NAALADL2: variants seen among roughly 807,000 people sequenced by gnomAD.
NAALADL2 encodes inactive N-acetylated-alpha-linked acidic dipeptidase-like protein 2.
In NAALADL2, 76 loss-of-function variants were observed where a neutral mutation model predicts 87.2. That is an observed-to-expected ratio of 0.87 (90% CI 0.72 to 1.05). NAALADL2 has a LOEUF of 1.05. Ranked by LOEUF, NAALADL2 falls within the 50% of genes least tolerant of loss-of-function variation. The pLI is 0.00. For missense variants in NAALADL2, 1,089 were observed against 945.8 expected, an observed-to-expected ratio of 1.15 and a Z score of -1.99; for synonymous variants, 354 against 331.0, an observed-to-expected ratio of 1.07 and a Z score of -0.75.
chr3:175,446,488 C>T (rs113298963), intron 5 of NAALADL2, among the ~76,000 whole-genome samples: 2,332 of 152,214 alleles, frequency 0.015, 65 homozygotes, highest in African/African-American at 0.052. Flanking sequence ...GTGATCCTCC[C>T]GCCTTGGCCT....
chr3:175,319,929 G>A (rs1759632196), intron 4 of NAALADL2, among the ~76,000 whole-genome samples: 1 of 152,206 alleles, frequency 6.6e-6, no homozygotes, highest in African/African-American at 2.4e-5. Flanking sequence ...TACAATGATA[G>A]AGAAGGTAAG....
chr3:175,772,447 C>T (rs1439861755), intron 13 of NAALADL2, among the ~76,000 whole-genome samples: 2 of 152,070 alleles, frequency 1.3e-5, no homozygotes, highest in Non-Finnish European at 2.9e-5. Context: ...ACAATTTGTT[C>T]CTGTTTTTGC....
chr3:174,704,772 T>G (rs1252794969), intron 2 of NAALADL2, among the ~76,000 whole-genome samples: 1 of 152,160 alleles, frequency 6.6e-6, no homozygotes, highest in Non-Finnish European at 1.5e-5. Context: ...TCAGACCAAT[T>G]CATATCATAG....
intron 1 of NAALADL2, among the ~76,000 whole-genome samples, chr3:174,937,737 A>T (rs1014514610): frequency 5.3e-5 from 8 of 152,066 alleles, no homozygotes; most frequent in African/African-American, 1.9e-4. Flanking sequence ...ACATTTGCTT[A>T]TGTGAGTCAT....
At chr3:174,900,099 G>A (rs1365660873) in intron 1 of NAALADL2, among the ~76,000 whole-genome samples, 1 of 150,908 alleles carries the variant, frequency 6.6e-6, no homozygotes, top group East Asian at 1.9e-4. Context: ...AAGATATTGA[G>A]GAGAGAACCA....
intron 9 of NAALADL2, among the ~76,000 whole-genome samples, chr3:175,472,328 T>C (rs2149295065): frequency 6.6e-6 from 1 of 152,328 alleles, no homozygotes; most frequent in East Asian, 1.9e-4. Flanking sequence ...TTTGAAAATA[T>C]TTTGTCACTT....
chr3:174,646,682 TA>T (rs1177514439), intron 2 of NAALADL2, among the ~76,000 whole-genome samples: 3 of 152,182 alleles, frequency 2.0e-5, no homozygotes, highest in Non-Finnish European at 4.4e-5. Context: ...AACTTTTCTT[TA>T]TGACATTTTA....
intron 1 of NAALADL2, among the ~76,000 whole-genome samples, chr3:174,902,324 A>C (rs1019058956): frequency 3.9e-5 from 6 of 152,162 alleles, no homozygotes; most frequent in African/African-American, 1.4e-4. Flanking sequence ...GCCTTGTGTT[A>C]TAGAACAGGT....
chr3:174,490,755 G>T (rs1199933556), intron 1 of NAALADL2, among the ~76,000 whole-genome samples: 1 of 152,052 alleles, frequency 6.6e-6, no homozygotes. Flanking sequence ...TATTCAAAGA[G>T]CGCTCCTTTG....
chr3:175,806,133 G>T lies in NAALADL2; in HGVS notation c.*2930G>T, dbSNP rs888405089. 7.2e-5 allele frequency: 11 copies of T among 151,892 alleles called. No homozygotes were observed. Among genetic ancestry groups the T allele is most frequent in the Admixed American group, 3.3e-4 (5 of 15,200 alleles). The allele number at this position is 151,892 out of a possible 1,614,324, so 9.4% of individuals were successfully genotyped here. ...TTCGATGTAACCAGCCATTCTGTCA[G>T]ATGTTGCATGGGCTGGAAACACTGC... On this transcript the variant is annotated 3_prime_UTR_variant, in exon 14 of 14. Transcript: ENST00000454872.
intron 11 of NAALADL2, among the ~76,000 whole-genome samples, chr3:175,667,227 GAAAGAAAGAAAGAAAAAGAAAGAAAGA>G (rs879794894): frequency 1.6e-5 from 2 of 126,842 alleles, no homozygotes; most frequent in African/African-American, 7.8e-5. Context: ...AAGAAAGAAA[GAAAGAAAGAAAGAAAAAGAAAGAAAGA>G]AAGAAAGAAA....
At chr3:174,887,883 T>A (rs1051326152) in intron 1 of NAALADL2, among the ~76,000 whole-genome samples, 2 of 151,932 alleles carry the variant, frequency 1.3e-5, no homozygotes, top group Non-Finnish European at 2.9e-5. Context: ...TCTGTTGTCA[T>A]GGAGCTTGCA....
intron 1 of NAALADL2, chr3:174,864,170 G>A (rs1479606448): frequency 7.3e-6 from 3 of 408,808 alleles, no homozygotes; most frequent in African/African-American, 2.1e-5. Context: ...TACAAGAGAG[G>A]GTCTTTGCAG....
intron 13 of NAALADL2, among the ~76,000 whole-genome samples, chr3:175,792,394 G>A (rs1221835946): frequency 6.6e-6 from 1 of 152,140 alleles, no homozygotes; most frequent in Non-Finnish European, 1.5e-5. Flanking sequence ...CATAGATTCA[G>A]TAGGTCAATT....
intron 1 of NAALADL2, among the ~76,000 whole-genome samples, chr3:174,442,749 A>G (rs1322841098): frequency 6.6e-6 from 1 of 152,222 alleles, no homozygotes; most frequent in African/African-American, 2.4e-5. Context: ...AGAAAAATAT[A>G]AGGTGAAACC....
chr3:175,077,066 C>T (rs1160448296), intron 1 of NAALADL2, among the ~76,000 whole-genome samples: 2 of 152,044 alleles, frequency 1.3e-5, no homozygotes, highest in African/African-American at 4.8e-5. Flanking sequence ...GTTCATTAAG[C>T]TGTGTTCAAT....
At chr3:175,699,160 G>T (rs1280209727) in intron 11 of NAALADL2, among the ~76,000 whole-genome samples, 2 of 151,918 alleles carry the variant, frequency 1.3e-5, no homozygotes, top group East Asian at 3.8e-4. Context: ...CCAAGCTTCA[G>T]CTGAGCAAAT....
At chr3:175,751,017 AT>A (rs1327740206) in intron 12 of NAALADL2, among the ~76,000 whole-genome samples, 1 of 149,834 alleles carries the variant, frequency 6.7e-6, no homozygotes, top group African/African-American at 2.5e-5. Context: ...AGTTAATTTC[AT>A]TTGTCTCAAA....
chr3:175,705,157 G>C lies in NAALADL2; in HGVS notation c.1897-32149G>C, dbSNP rs776061383. On this transcript the variant is annotated intron_variant, in intron 11 of 13. Transcript: ENST00000454872. ...GATGGCTGGAAAGAAGAAAGGCGAT[G>C]GAATAAGGAGAGGACCTCACATCAA... is the stretch of plus-strand genomic sequence containing the variant. Among the ~76,000 whole-genome samples the C allele has an allele frequency of 6.3e-4, 96 of 152,020 alleles. 2 individuals carry two copies. Among genetic ancestry groups the C allele is most frequent in the Non-Finnish European group, 2.2e-4 (15 of 67,984 alleles).
Sources: allele counts gnomAD v4.1 joint callset (sites outside exome capture counted in the v4.1 genomes callset), GRCh38; gene constraint gnomAD v4.1.1; transcripts MANE v1.5; gene names NCBI Gene and HGNC (gene_info 2026-07-23, HGNC 2026-07-21).